SH3RF2: variants seen among roughly 807,000 people sequenced by gnomAD.
SH3RF2 encodes E3 ubiquitin-protein ligase SH3RF2.
A neutral mutation model predicts 59.0 loss-of-function variants in SH3RF2; 43 were observed. The ratio of observed to expected loss-of-function variants is 0.73; its 90% CI spans 0.57 to 0.94. The LOEUF is 0.94. Ranked by LOEUF, SH3RF2 falls within the 40% of genes least tolerant of loss-of-function variation. SH3RF2 has a pLI of 0.00. For missense variants in SH3RF2, 930 were observed against 940.1 expected, an observed-to-expected ratio of 0.99 and a Z score of 0.14; for synonymous variants, 391 against 391.5, an observed-to-expected ratio of 1.00 and a Z score of 0.01.
At chr5:146,003,682 T>G (rs1760517875) in intron 3 of SH3RF2, among the ~76,000 whole-genome samples, 1 of 152,224 alleles carries the variant, frequency 6.6e-6, no homozygotes, top group Non-Finnish European at 1.5e-5. Flanking sequence ...GTCTTCAAAA[T>G]GAGCATAAAA....
intron 2 of SH3RF2, among the ~76,000 whole-genome samples, chr5:145,942,112 A>G (rs998402862): frequency 6.6e-6 from 1 of 152,214 alleles, no homozygotes; most frequent in Non-Finnish European, 1.5e-5. Flanking sequence ...CCCTTAAGGC[A>G]CTATGATCCA....
intron 2 of SH3RF2, among the ~76,000 whole-genome samples, chr5:145,948,724 T>C (rs1441421116): frequency 1.3e-5 from 2 of 152,186 alleles, no homozygotes; most frequent in Non-Finnish European, 2.9e-5. Context: ...CAGTGTAGCC[T>C]CTGTTCCTCC....
chr5:145,939,760 G>C (rs1208282698), intron 2 of SH3RF2, among the ~76,000 whole-genome samples: 1 of 152,166 alleles, frequency 6.6e-6, no homozygotes, highest in African/African-American at 2.4e-5. Flanking sequence ...GTAGAGAAAA[G>C]AGCTCTATCT....
chr5:146,033,534 G>A (rs1054875524), intron 5 of SH3RF2, among the ~76,000 whole-genome samples: 1 of 131,340 alleles, frequency 7.6e-6, no homozygotes, highest in Non-Finnish European at 1.5e-5. Context: ...GCAAAGGCCC[G>A]ATCTCGGCTC....
At chr5:146,069,257 A>C (rs1201111704) in intron 9 of SH3RF2, among the ~76,000 whole-genome samples, 2 of 152,170 alleles carry the variant, frequency 1.3e-5, no homozygotes, top group African/African-American at 2.4e-5. Context: ...GGTTTTGAGA[A>C]TTTCTGGTTT....
rs370935531 is a variant in SH3RF2, at chr5:146,011,697, T to A, written c.745-2050T>A. 6.6e-5 allele frequency among the ~76,000 whole-genome samples: 10 copies of A among 152,110 alleles called. No homozygotes were observed. In the East Asian group the frequency reaches 1.4e-3, roughly 21 times the overall value. ...CTCTCTGTTTGTCTGTTATTGGTGT[T>A]TAAGAATGCTTGTGATTTTTGCACA... is the stretch of plus-strand genomic sequence containing the variant. On this transcript the variant is annotated intron_variant, in intron 4 of 9. Transcript: ENST00000359120.
intron 2 of SH3RF2, among the ~76,000 whole-genome samples, chr5:145,956,034 AG>A (rs1443328756): frequency 6.6e-6 from 1 of 152,220 alleles, no homozygotes; most frequent in Non-Finnish European, 1.5e-5. Context: ...GGAATAGACC[AG>A]AACTTCCCAA....
chr5:146,003,646 C>A (rs1188193452), intron 3 of SH3RF2, among the ~76,000 whole-genome samples: 1 of 152,118 alleles, frequency 6.6e-6, no homozygotes, highest in Non-Finnish European at 1.5e-5. Flanking sequence ...ATGTTTGATG[C>A]ATTAAAAATT....
chr5:146,012,236 T>G (rs1292950233), intron 4 of SH3RF2, among the ~76,000 whole-genome samples: 1 of 152,192 alleles, frequency 6.6e-6, no homozygotes, highest in Non-Finnish European at 1.5e-5. Context: ...GTGGATAAGC[T>G]TTTTGGTGTG....
downstream of SH3RF2, among the ~76,000 whole-genome samples, chr5:146,064,781 AAGGAAGG>A (rs1359406354): frequency 0.051 from 925 of 18,160 alleles, 48 homozygotes; most frequent in Non-Finnish European, 0.064. Flanking sequence ...GAAGGAAAGG[AAGGAAGG>A]AAGGAAGGAA....
At chr5:146,010,082 A>G (rs367987631) in intron 4 of SH3RF2, among the ~76,000 whole-genome samples, 5 of 151,806 alleles carry the variant, frequency 3.3e-5, no homozygotes, top group Admixed American at 6.6e-5. Flanking sequence ...CCTGTGTCCA[A>G]GTGTTCTCAT....
intron 7 of SH3RF2, among the ~76,000 whole-genome samples, chr5:146,054,478 C>G (rs1357303409): frequency 6.6e-6 from 1 of 152,204 alleles, no homozygotes; most frequent in Non-Finnish European, 1.5e-5. Flanking sequence ...CAGTTGCACT[C>G]TGGCATGGAA....
intron 5 of SH3RF2, among the ~76,000 whole-genome samples, chr5:146,037,286 G>T (rs962979375): frequency 2.0e-5 from 3 of 152,114 alleles, no homozygotes; most frequent in African/African-American, 7.2e-5. Context: ...GCCTCCCACA[G>T]CCAATAAGTT....
At chr5:146,009,629 T>C (rs1760793391) in intron 4 of SH3RF2, among the ~76,000 whole-genome samples, 1 of 152,224 alleles carries the variant, frequency 6.6e-6, no homozygotes, top group East Asian at 1.9e-4. Context: ...AGAGCACTTA[T>C]AACTATATGA....
chr5:145,954,242 T>C (rs1321135706), intron 2 of SH3RF2, among the ~76,000 whole-genome samples: 1 of 152,242 alleles, frequency 6.6e-6, no homozygotes, highest in Non-Finnish European at 1.5e-5. Context: ...TTTTTGATAA[T>C]AGCTCTTCTG....
chr5:146,008,670 A>T (rs1760749520), intron 4 of SH3RF2, among the ~76,000 whole-genome samples: 1 of 152,116 alleles, frequency 6.6e-6, no homozygotes, highest in Admixed American at 6.6e-5. Context: ...TCTTTTTAAC[A>T]TCCAGTTCTA....
intron 2 of SH3RF2, among the ~76,000 whole-genome samples, chr5:145,969,788 G>A (rs1236332716): frequency 6.6e-6 from 1 of 151,890 alleles, no homozygotes; most frequent in Non-Finnish European, 1.5e-5. Flanking sequence ...TTTGAAAAGG[G>A]GATCCAAGCC....
intron 2 of SH3RF2, among the ~76,000 whole-genome samples, chr5:145,989,932 G>T (rs1561726737): frequency 6.6e-6 from 1 of 152,162 alleles, no homozygotes; most frequent in East Asian, 1.9e-4. Flanking sequence ...ACTGGCAGCT[G>T]AACGTCCTGC....
chr5:146,066,568 G>A (rs1763110544), downstream of SH3RF2, among the ~76,000 whole-genome samples: 1 of 152,182 alleles, frequency 6.6e-6, no homozygotes, highest in African/African-American at 2.4e-5. Context: ...GGACTGTGGT[G>A]CTAAAAGGAG....
Sources: allele counts gnomAD v4.1 joint callset (sites outside exome capture counted in the v4.1 genomes callset), GRCh38; gene constraint gnomAD v4.1.1; transcripts MANE v1.5; gene names NCBI Gene and HGNC (gene_info 2026-07-23, HGNC 2026-07-21).